The following PCDH15 variants were observed in gnomAD, a reference collection of about 807,000 sequenced individuals.
PCDH15 encodes protocadherin-15.
PCDH15 carries 129 observed loss-of-function variants against 178.5 expected under a neutral mutation model. The ratio of observed to expected loss-of-function variants is 0.72; its 90% CI spans 0.63 to 0.84. The LOEUF is 0.84. Among genes scored for constraint, PCDH15 ranks in the 40% least tolerant of loss-of-function variants. The probability of loss-of-function intolerance (pLI) is 0.00; values close to 1 mark genes in which losing one functional copy is unlikely to be tolerated. For missense variants in PCDH15, 2,230 were observed against 2,099.9 expected, an observed-to-expected ratio of 1.06 and a Z score of -1.21; for synonymous variants, 800 against 732.0, an observed-to-expected ratio of 1.09 and a Z score of -1.50.
intron 2 of PCDH15, chr10:55,599,941 T>G: frequency 6.6e-7 from 1 of 1,520,046 alleles, no homozygotes; most frequent in Non-Finnish European, 8.8e-7. Context: ...TTTCAACCAG[T>G]GAAATTGACC....
chr10:54,687,046 T>G (rs1487043869), intron 1 of PCDH15, among the ~76,000 whole-genome samples: 2 of 152,120 alleles, frequency 1.3e-5, no homozygotes, highest in Admixed American at 1.3e-4. Context: ...TCCCTAATGA[T>G]AAGAAGAATG....
At chr10:55,205,536 A>G (rs1840373962) in intron 1 of PCDH15, among the ~76,000 whole-genome samples, 2 of 152,050 alleles carry the variant, frequency 1.3e-5, no homozygotes, top group Admixed American at 1.3e-4. Context: ...TTGATACACT[A>G]CAATTTTTAT....
chr10:55,224,773 T>C (rs1441470346), intron 1 of PCDH15, among the ~76,000 whole-genome samples: 2 of 152,080 alleles, frequency 1.3e-5, no homozygotes, highest in South Asian at 2.1e-4. Context: ...TTGCGTGATA[T>C]AACTCCTGTC....
intron 1 of PCDH15, among the ~76,000 whole-genome samples, chr10:55,272,296 C>T (rs1396286063): frequency 2.6e-5 from 4 of 151,510 alleles, no homozygotes; most frequent in Middle Eastern, 3.4e-3. Context: ...TAAATTCTTA[C>T]GTTGCCTTTC....
intron 3 of PCDH15, among the ~76,000 whole-genome samples, chr10:54,379,913 G>A (rs939253790): frequency 1.3e-5 from 2 of 151,976 alleles, no homozygotes; most frequent in South Asian, 2.1e-4. Flanking sequence ...CCTTAGGACA[G>A]CACTCAAGAA....
intron 26 of PCDH15, among the ~76,000 whole-genome samples, chr10:53,900,122 C>G (rs2082227504): frequency 6.6e-6 from 1 of 152,036 alleles, no homozygotes; most frequent in African/African-American, 2.4e-5. Flanking sequence ...TCCTTTGAAT[C>G]CACAAGACAA....
At chr10:54,421,659 A>G (rs9415319) in intron 3 of PCDH15, among the ~76,000 whole-genome samples, 17,815 of 106,184 alleles carry the variant, frequency 0.17, 2,059 homozygotes, top group African/African-American at 0.32. Flanking sequence ...GTACATGTGT[A>G]GTGTATATAT....
At chr10:53,882,467 C>G (rs968587786) in intron 26 of PCDH15, among the ~76,000 whole-genome samples, 1 of 152,148 alleles carries the variant, frequency 6.6e-6, no homozygotes, top group Admixed American at 6.5e-5. Flanking sequence ...ATCACCCCAA[C>G]ATTCCTGCCT....
intron 2 of PCDH15, among the ~76,000 whole-genome samples, chr10:55,000,437 T>C (rs1839771910): frequency 6.6e-6 from 1 of 152,228 alleles, no homozygotes; most frequent in Admixed American, 6.5e-5. Context: ...ATTGCTGTTA[T>C]CTTGTTCTTT....
At chr10:54,760,918 T>C (rs1312355906) in intron 1 of PCDH15, among the ~76,000 whole-genome samples, 2 of 152,102 alleles carry the variant, frequency 1.3e-5, no homozygotes, top group Admixed American at 1.3e-4. Context: ...GTGCAGAAAT[T>C]CAATGCCAAA....
intron 2 of PCDH15, among the ~76,000 whole-genome samples, chr10:55,590,057 C>A (rs1434496471): frequency 6.7e-6 from 1 of 148,326 alleles, no homozygotes; most frequent in East Asian, 2.0e-4. Context: ...AGACTTGGAA[C>A]CAACCCAAAT....
At chr10:54,781,128 C>T (rs1950318416) in intron 1 of PCDH15, among the ~76,000 whole-genome samples, 2 of 151,994 alleles carry the variant, frequency 1.3e-5, no homozygotes, top group South Asian at 2.1e-4. Context: ...TGAGAAAAGT[C>T]AAATATATTT....
In PCDH15 at chr10:54,941,174, A is replaced by T. The variant is rs761372706; in HGVS notation, c.-79-43674T>A. On this transcript the variant is annotated intron_variant, in intron 2 of 5. Transcript: ENST00000458638. The stretch of plus-strand genomic sequence containing the variant: ...TTTAACAATATGTTTACTTTTTAAA[A>T]TTTTCTTAATGTTCAATCTAGAGCT... Among the ~76,000 whole-genome samples the T allele has an allele frequency of 2.3e-3, 343 of 152,026 alleles. 1 individual carries two copies. The highest frequency in any genetic ancestry group is 3.6e-3 in the Non-Finnish European group (242 of 67,914).
At chr10:55,192,055 CT>C (rs1246276626) in intron 1 of PCDH15, among the ~76,000 whole-genome samples, 1 of 151,662 alleles carries the variant, frequency 6.6e-6, no homozygotes, top group African/African-American at 2.4e-5. Context: ...AATAAAGGGA[CT>C]TTTTTTTCTT....
At position 53,816,888 on chromosome 10, in the gene PCDH15, TCTTC is replaced by T. The variant is rs558998721; in HGVS notation, c.4453-615_4453-612del. On this transcript the variant is annotated intron_variant, in intron 34 of 37. Transcript: ENST00000644397. ...GATTTGGTAGGAATTGCTTCCTGCC[TCTTC>T]CTTCTTTCACTTGTATTTATTTAAA... 2.6e-4 allele frequency among the ~76,000 whole-genome samples: 40 copies of T among 152,346 alleles called. No individual in the cohort carries two copies. The East Asian group carries it at 7.1e-3, about 27-fold the overall frequency.
At chr10:54,244,720 CA>C (rs1269194875) in intron 8 of PCDH15, among the ~76,000 whole-genome samples, 1 of 152,188 alleles carries the variant, frequency 6.6e-6, no homozygotes, top group African/African-American at 2.4e-5. Flanking sequence ...CACACTGCCA[CA>C]GGGCTAACTC....
intron 15 of PCDH15, among the ~76,000 whole-genome samples, chr10:54,126,326 T>C (rs893587388): frequency 2.0e-5 from 3 of 151,996 alleles, no homozygotes; most frequent in African/African-American, 7.3e-5. Context: ...CCCCTCAGCC[T>C]CTCAAACACT....
chr10:54,211,500 T>C (rs2051426198), intron 10 of PCDH15, among the ~76,000 whole-genome samples: 1 of 152,110 alleles, frequency 6.6e-6, no homozygotes, highest in African/African-American at 2.4e-5. Context: ...ACCTTTACAT[T>C]TTTATTTGTC....
At chr10:53,958,901 C>T (rs1171807980) in intron 23 of PCDH15, among the ~76,000 whole-genome samples, 1 of 143,148 alleles carries the variant, frequency 7.0e-6, no homozygotes, top group Non-Finnish European at 1.5e-5. Flanking sequence ...ATGGTGCAAA[C>T]CCAGGAGGTG....
Sources: allele counts gnomAD v4.1 joint callset (sites outside exome capture counted in the v4.1 genomes callset), GRCh38; gene constraint gnomAD v4.1.1; transcripts MANE v1.5; gene names NCBI Gene and HGNC (gene_info 2026-07-23, HGNC 2026-07-21).